Variants in STX12 observed in about 807,000 individuals in gnomAD.
The protein encoded by STX12 is syntaxin-12.
A neutral mutation model predicts 42.2 loss-of-function variants in STX12; 17 were observed. The observed-to-expected ratio is 0.40, with a 90% CI of 0.28 to 0.60. STX12 has a LOEUF of 0.60. Ranked by LOEUF, STX12 falls within the 20% of genes least tolerant of loss-of-function variation. STX12 has a pLI of 0.39. For synonymous variants in STX12, 108 were observed against 116.7 expected, an observed-to-expected ratio of 0.93 and a Z score of 0.48; for missense variants, 297 against 330.9, an observed-to-expected ratio of 0.90 and a Z score of 0.79.
intron 2 of STX12, among the ~76,000 whole-genome samples, chr1:27,789,989 A>C (rs556336663): frequency 2.4e-4 from 37 of 152,166 alleles, no homozygotes; most frequent in African/African-American, 8.7e-4. Flanking sequence ...GTCTAACTGG[A>C]TTTCCAGCTA....
At chr1:27,818,151 A>G (rs1466924720) in intron 7 of STX12, 7 of 440,732 alleles carry the variant, frequency 1.6e-5, no homozygotes, top group Admixed American at 7.8e-5. Flanking sequence ...GGGAAGCCCA[A>G]GCGGGCAGAT....
rs1264515644 is a variant in STX12, at chr1:27,778,651, C to T, written c.118+5226C>T. Reference sequence around the variant, plus strand: ...GGTTGCAGTAAACCAAGACCAAGATCGCTCCACTGCACTCCAGCCTGGGCA... The same window carrying T: ...GGTTGCAGTAAACCAAGACCAAGATTGCTCCACTGCACTCCAGCCTGGGCA... On this transcript the variant is annotated intron_variant, in intron 1 of 8. Coordinates refer to ENST00000373943, the MANE Select transcript of STX12 (RefSeq NM_177424.3). 2.0e-5 allele frequency among the ~76,000 whole-genome samples: 3 copies of T among 150,738 alleles called. 1 individual carries two copies. Among genetic ancestry groups the T allele is most frequent in the African/African-American group, 7.3e-5 (3 of 40,928 alleles).
In STX12 at chr1:27,799,376, C is replaced by T. The variant is rs185528201; in HGVS notation, c.289-2302C>T. 3.3e-3 allele frequency among the ~76,000 whole-genome samples: 503 copies of T among 152,060 alleles called. 4 individuals are homozygous for T. Among genetic ancestry groups the T allele is most frequent in the African/African-American group, 0.011 (475 of 41,394 alleles). ...ACGGTGACCCAGGTCTCATCACAGACTAATTTTTCTAAGTTACTATTTTGT... is the reference window on the plus strand; with the variant it reads ...ACGGTGACCCAGGTCTCATCACAGATTAATTTTTCTAAGTTACTATTTTGT... On this transcript the variant is annotated intron_variant, in intron 3 of 8. Transcript: ENST00000373943.
chr1:27,810,382 G>C, intron 5 of STX12, 93 bp downstream of exon 5: 1 of 1,217,038 alleles, frequency 8.2e-7, no homozygotes, highest in East Asian at 2.6e-5. Context: ...AAAATAGAGG[G>C]CAAAAATAAG....
intron 1 of STX12, among the ~76,000 whole-genome samples, chr1:27,780,906 C>A (rs1407155316): frequency 6.6e-6 from 1 of 151,660 alleles, no homozygotes; most frequent in Non-Finnish European, 1.5e-5. Context: ...TAGCAGTGAG[C>A]CGAGATCACG....
chr1:27,790,178 G>A (rs1007669704), intron 2 of STX12, among the ~76,000 whole-genome samples: 2 of 152,222 alleles, frequency 1.3e-5, no homozygotes, highest in African/African-American at 4.8e-5. Context: ...TATTGTGTCT[G>A]GAGTTAGTTC....
chr1:27,803,318 T>C (rs2088838604), intron 4 of STX12, among the ~76,000 whole-genome samples: 1 of 152,090 alleles, frequency 6.6e-6, no homozygotes, highest in South Asian at 2.1e-4. Flanking sequence ...ATCATAAAGA[T>C]AGCTAGAGAA....
intron 6 of STX12, among the ~76,000 whole-genome samples, chr1:27,815,956 A>G (rs2088938185): frequency 6.6e-6 from 1 of 152,080 alleles, no homozygotes; most frequent in African/African-American, 2.4e-5. Context: ...CAGGCGGATC[A>G]GTTGAGGTCA....
Position 27,807,812 on chromosome 1 carries a change from TTG to T in STX12, c.427-2430_427-2429del, listed in dbSNP as rs1340935060. Among the ~76,000 whole-genome samples, 3 of 152,302 alleles carry T rather than the reference TTG, an allele frequency of 2.0e-5. No individual in the cohort carries two copies. In the East Asian group the frequency reaches 5.8e-4, roughly 29 times the overall value. ...GTCTGTCAACTGTAGAATGGATAAATTGTGTTATGTTCATATACTATAATATC... is the reference window on the plus strand; with the variant it reads ...GTCTGTCAACTGTAGAATGGATAAATTGTTATGTTCATATACTATAATATC... On this transcript the variant is annotated intron_variant, in intron 4 of 8. Transcript: ENST00000373943.
In STX12 at chr1:27,773,317, G is replaced by A; in HGVS notation, c.10G>A (p.Gly4Ser). 1 of 1,608,660 alleles carries A rather than the reference G, an allele frequency of 6.2e-7. No homozygotes were observed. The highest frequency in any genetic ancestry group is 8.5e-7 in the Non-Finnish European group (1 of 1,176,942). The part of the protein sequence containing the change: MSY[G>S]PLDMYRNPGP... The stretch of plus-strand genomic sequence containing the variant: ...GTCTCAGCTCCTCGTCATGTCATAC[G>A]GTCCCTTAGACATGTACCGGAACCC... Residue 4 changes from glycine to serine, a missense_variant, in exon 1 of 9, where the codon GGT becomes AGT. By Grantham distance (56) the Gly-to-Ser change is moderately conservative (BLOSUM62 0). Coordinates refer to ENST00000373943, the MANE Select transcript of STX12 (RefSeq NM_177424.3).
At chr1:27,818,239 C>T (rs57968210) in intron 7 of STX12, among the ~76,000 whole-genome samples, 6 of 151,840 alleles carry the variant, frequency 4.0e-5, no homozygotes, top group Non-Finnish European at 5.9e-5. Flanking sequence ...AAATTAGCTA[C>T]GCCTGGTGGC....
At chr1:27,808,758 C>T (rs2088881848) in intron 4 of STX12, among the ~76,000 whole-genome samples, 1 of 152,140 alleles carries the variant, frequency 6.6e-6, no homozygotes, top group Non-Finnish European at 1.5e-5. Flanking sequence ...CAAACAGTAA[C>T]ACCTGAAAGA....
At chr1:27,800,995 C>G (rs1037805354) in intron 3 of STX12, among the ~76,000 whole-genome samples, 1 of 152,182 alleles carries the variant, frequency 6.6e-6, no homozygotes, top group Non-Finnish European at 1.5e-5. Flanking sequence ...AACATTTTAG[C>G]TAAAACCCAT....
chr1:27,804,774 G>A (rs1401950630), intron 4 of STX12, among the ~76,000 whole-genome samples: 1 of 151,136 alleles, frequency 6.6e-6, no homozygotes, highest in African/African-American at 2.4e-5. Flanking sequence ...CCGCACCGCT[G>A]CACTCCAGCC....
intron 4 of STX12, among the ~76,000 whole-genome samples, chr1:27,802,474 A>C (rs538839476): frequency 6.6e-6 from 1 of 152,240 alleles, no homozygotes; most frequent in African/African-American, 2.4e-5. Context: ...TTACAGAAAG[A>C]TTGCATTAGC....
intron 1 of STX12, among the ~76,000 whole-genome samples, chr1:27,784,310 T>A (rs1308691656): frequency 1.3e-5 from 2 of 152,190 alleles, no homozygotes; most frequent in Admixed American, 1.3e-4. Flanking sequence ...AGCCTCAAAC[T>A]TCTGGGCTTG....
At position 27,773,236 on chromosome 1, in the gene STX12, C is replaced by T. The variant is rs1295632945; in HGVS notation, c.-72C>T. On this transcript the variant is annotated 5_prime_UTR_variant, in exon 1 of 9. Coordinates refer to ENST00000373943, the MANE Select transcript of STX12 (RefSeq NM_177424.3). ...TTGCTCTTCCCAGTTTCTCCGTCAG[C>T]CTGCGGGTCCCGGCTGGCGGCTGCT... 4.0e-6 allele frequency: 4 copies of T among 1,006,850 alleles called. No homozygotes were observed. The highest frequency in any genetic ancestry group is 1.6e-5 in the African/African-American group (1 of 61,956). The allele number at this position is 1,006,850 out of a possible 1,614,324, so 62.4% of individuals were successfully genotyped here. A position where few individuals can be genotyped will look rare whatever the true frequency, so the allele number is the denominator to read the frequency against.
intron 1 of STX12, among the ~76,000 whole-genome samples, chr1:27,780,692 C>T (rs1005022749): frequency 6.6e-6 from 1 of 152,044 alleles, no homozygotes; most frequent in Admixed American, 6.5e-5. Flanking sequence ...TGGCTCACAC[C>T]TGTAATCCCA....
At chr1:27,799,480 T>TTTTTG (rs2088811873) in intron 3 of STX12, among the ~76,000 whole-genome samples, 1 of 148,334 alleles carries the variant, frequency 6.7e-6, no homozygotes, top group African/African-American at 2.6e-5. Context: ...TTAGCTTGTT[T>TTTTTG]TTTTTTTTGT....
Sources: gnomAD v4.1 joint callset for allele counts (sites outside exome capture counted in the v4.1 genomes callset) on GRCh38, gnomAD v4.1.1 for gene constraint, MANE v1.5 for transcripts, NCBI Gene and HGNC (gene_info 2026-07-23, HGNC 2026-07-21) for gene names.